LDB2: variants seen among roughly 807,000 people sequenced by gnomAD.
LDB2 encodes LIM domain binding 2, also known as LIM domain-binding protein 2.
Under a neutral mutation model 44.3 loss-of-function variants are expected in LDB2, and 12 were observed. The observed-to-expected ratio is 0.27, with a 90% CI of 0.17 to 0.44. The LOEUF (loss-of-function observed/expected upper bound fraction) is 0.44. LDB2 is among the 20% of genes least tolerant of loss of function. The pLI, the probability that LDB2 is intolerant of heterozygous loss-of-function variation, is 1.00. For synonymous variants in LDB2, 164 were observed against 174.8 expected (o/e 0.94, Z 0.49); for missense variants, 344 against 473.5 (o/e 0.73, Z 2.54).
intron 5 of LDB2, among the ~76,000 whole-genome samples, chr4:16,528,837 C>T (rs1480225809): frequency 6.6e-6 from 1 of 152,160 alleles, no homozygotes; most frequent in Non-Finnish European, 1.5e-5. Flanking sequence ...ACATTATGTT[C>T]AAAGCCCAGT....
At chr4:16,683,174 AAACC>A (rs1560868393) in intron 2 of LDB2, among the ~76,000 whole-genome samples, 1 of 152,218 alleles carries the variant, frequency 6.6e-6, no homozygotes, top group Admixed American at 6.5e-5. Context: ...ATCCATTACA[AAACC>A]AACAACTGTA....
At chr4:16,691,812 G>A (rs79003916) in intron 2 of LDB2, among the ~76,000 whole-genome samples, 4,204 of 152,198 alleles carry the variant, frequency 0.028, 189 homozygotes, top group African/African-American at 0.096. Context: ...ATCATCAAAA[G>A]GAGTGTAGGT....
intron 5 of LDB2, among the ~76,000 whole-genome samples, chr4:16,546,221 AAAAG>A (rs1392694370): frequency 1.3e-5 from 2 of 152,224 alleles, no homozygotes; most frequent in African/African-American, 2.4e-5. Context: ...AGTGAAATAA[AAAAG>A]AAAGGCCATT....
chr4:16,648,917 AC>A (rs1438859500), intron 2 of LDB2, among the ~76,000 whole-genome samples: 1 of 152,228 alleles, frequency 6.6e-6, no homozygotes, highest in African/African-American at 2.4e-5. Context: ...CTAAGTAAGT[AC>A]AAAGCAGGGC....
chr4:16,653,102 C>T (rs1738767333), intron 2 of LDB2, among the ~76,000 whole-genome samples: 1 of 152,178 alleles, frequency 6.6e-6, no homozygotes, highest in African/African-American at 2.4e-5. Context: ...TTGTGAGTGG[C>T]TGTGAAACAC....
At chr4:16,574,788 C>G (rs1747752961) in intron 5 of LDB2, among the ~76,000 whole-genome samples, 1 of 152,126 alleles carries the variant, frequency 6.6e-6, no homozygotes, top group Non-Finnish European at 1.5e-5. Context: ...AAACTGTGGT[C>G]CATCTAATCT....
At chr4:16,586,528 A>AACACAC (rs375304103) in intron 4 of LDB2, among the ~76,000 whole-genome samples, 2 of 69,434 alleles carry the variant, frequency 2.9e-5, no homozygotes, top group Non-Finnish European at 7.1e-5. Flanking sequence ...ACACACACAA[A>AACACAC]ACACACACAC....
chr4:16,713,720 G>A (rs1756432490), intron 2 of LDB2, among the ~76,000 whole-genome samples: 1 of 152,148 alleles, frequency 6.6e-6, no homozygotes, highest in Non-Finnish European at 1.5e-5. Flanking sequence ...TAGAGCTAGT[G>A]GGACAAGAGG....
intron 1 of LDB2, among the ~76,000 whole-genome samples, chr4:16,807,287 T>C (rs1778962244): frequency 6.6e-6 from 1 of 152,232 alleles, no homozygotes; most frequent in African/African-American, 2.4e-5. Context: ...ATTATATTCA[T>C]AAGTAGAATA....
At chr4:16,886,054 AT>A (rs891327333) in intron 1 of LDB2, among the ~76,000 whole-genome samples, 143 of 148,362 alleles carry the variant, frequency 9.6e-4, no homozygotes, top group African/African-American at 1.9e-3. Context: ...TATCTCTACA[AT>A]TTTTTTTTTT....
chr4:16,898,601 A>G lies in LDB2; in HGVS notation c.-116T>C. The G allele has an allele frequency of 1.0e-6, 1 of 981,828 alleles. No individual in the cohort carries two copies. Among genetic ancestry groups the G allele is most frequent in the Non-Finnish European group, 1.5e-6 (1 of 688,106 alleles). The allele number at this position is 981,828 out of a possible 1,614,324, so 60.8% of individuals were successfully genotyped here. On this transcript the variant is annotated 5_prime_UTR_variant, in exon 1 of 8. Transcript: ENST00000304523. ...CGCACGCACACACGCTCACACACAC[A>G]CAGAGGCAGGCAGGCAGGCAGGCTG...
intron 1 of LDB2, among the ~76,000 whole-genome samples, chr4:16,811,612 C>T (rs1355157065): frequency 6.6e-6 from 1 of 152,136 alleles, no homozygotes; most frequent in Admixed American, 6.5e-5. Flanking sequence ...GTTTATCTAA[C>T]CCCAAATGTA....
Position 16,754,525 on chromosome 4 carries a change from A to ATT in LDB2, c.235+4631_235+4632dup, listed in dbSNP as rs1237200033. ...ATTTTCACAAGCCAGTGATGGCAGT[A>ATT]TTTTTTTTTTTTTTTTTATTGAGAC... On this transcript the variant is annotated intron_variant, in intron 2 of 7. Coordinates refer to ENST00000304523, the MANE Select transcript of LDB2 (RefSeq NM_001290.5). Among the ~76,000 whole-genome samples the ATT allele has an allele frequency of 6.9e-3, 974 of 140,954 alleles. 3 individuals are homozygous for ATT. The highest frequency in any genetic ancestry group is 9.2e-3 in the Non-Finnish European group (589 of 64,150). The allele number at this position is 140,954 out of a possible 152,430, so 92.5% of individuals were successfully genotyped here.
chr4:16,747,173 G>T (rs1306612255), intron 2 of LDB2, among the ~76,000 whole-genome samples: 1 of 152,154 alleles, frequency 6.6e-6, no homozygotes, highest in Admixed American at 6.5e-5. Context: ...ATAAGGCATG[G>T]CGCTGGTCTG....
intron 1 of LDB2, among the ~76,000 whole-genome samples, chr4:16,817,972 A>T (rs547265947): frequency 1.3e-5 from 2 of 152,254 alleles, no homozygotes; most frequent in East Asian, 3.9e-4. Context: ...TATATTCCTA[A>T]ATTTTATAAT....
At chr4:16,753,176 A>T (rs1425954803) in intron 2 of LDB2, among the ~76,000 whole-genome samples, 1 of 152,222 alleles carries the variant, frequency 6.6e-6, no homozygotes, top group Non-Finnish European at 1.5e-5. Flanking sequence ...AGTAGTTATT[A>T]AGTGTGGTGT....
chr4:16,857,448 T>C (rs1243306417), intron 1 of LDB2, among the ~76,000 whole-genome samples: 2 of 152,158 alleles, frequency 1.3e-5, no homozygotes, highest in East Asian at 1.9e-4. Flanking sequence ...GGGTGAGCAT[T>C]ACACAAAGTT....
intron 2 of LDB2, among the ~76,000 whole-genome samples, chr4:16,716,175 C>T (rs1245693698): frequency 6.6e-6 from 1 of 152,092 alleles, no homozygotes; most frequent in Non-Finnish European, 1.5e-5. Flanking sequence ...TTCTGATGTA[C>T]AGCAAATTTC....
chr4:16,702,234 G>C (rs774993903), intron 2 of LDB2, among the ~76,000 whole-genome samples: 20 of 152,206 alleles, frequency 1.3e-4, no homozygotes, highest in Middle Eastern at 3.2e-3. Flanking sequence ...CCAATGCTTT[G>C]AGTTTCAGAT....
Sources: gnomAD v4.1 joint callset for allele counts (sites outside exome capture counted in the v4.1 genomes callset) on GRCh38, gnomAD v4.1.1 for gene constraint, MANE v1.5 for transcripts, NCBI Gene and HGNC (gene_info 2026-07-23, HGNC 2026-07-21) for gene names.